ROBO2: variants seen among roughly 807,000 people sequenced by gnomAD.
The protein encoded by ROBO2 is roundabout homolog 2.
A neutral mutation model predicts 160.8 loss-of-function variants in ROBO2; 53 were observed. The ratio of observed to expected loss-of-function variants is 0.33; its 90% confidence interval spans 0.26 to 0.41. The LOEUF is 0.41. Among genes scored for constraint, ROBO2 ranks in the 10% least tolerant of loss-of-function variants. The probability of loss-of-function intolerance (pLI) is 1.00; values close to 1 mark genes in which losing one functional copy is unlikely to be tolerated. For missense variants in ROBO2, 1,577 were observed against 1,722.4 expected (o/e 0.92, Z 1.49); for synonymous variants, 664 against 611.7 (o/e 1.09, Z -1.26).
rs957229206 is a variant in ROBO2 at position 77,225,659 on chromosome 3, A to T, written c.388+127319A>T. On this transcript the variant is annotated intron_variant, in intron 2 of 25. Coordinates refer to ENST00000461745, the Ensembl canonical transcript of ROBO2. ...AATGATTTACTAAAGATTTAGAGGG[A>T]GGAAATACTATGTGCTTCTAAATCA... Among the ~76,000 whole-genome samples the T allele has an allele frequency of 4.6e-5, 7 of 151,992 alleles. No individual in the cohort carries two copies. In the East Asian group the frequency reaches 1.3e-3, roughly 29 times the overall value.
chr3:76,109,431 A>G (rs2070115195), intron 2 of ROBO2, among the ~76,000 whole-genome samples: 1 of 152,056 alleles, frequency 6.6e-6, no homozygotes, highest in Non-Finnish European at 1.5e-5. Flanking sequence ...ATAATACCAT[A>G]TGTGGCTTGT....
At chr3:76,985,691 G>A (rs1370431880) in intron 2 of ROBO2, among the ~76,000 whole-genome samples, 1 of 151,024 alleles carries the variant, frequency 6.6e-6, no homozygotes, top group East Asian at 1.9e-4. Flanking sequence ...GTTAGCAATG[G>A]CTAATGTTCT....
chr3:77,510,692 A>T (rs772234386), intron 5 of ROBO2, among the ~76,000 whole-genome samples: 13 of 152,208 alleles, frequency 8.5e-5, no homozygotes, highest in Non-Finnish European at 1.6e-4. Flanking sequence ...AGGAAGAAGA[A>T]ATTCTAAATA....
At chr3:76,317,205 G>C (rs1464339140) in intron 2 of ROBO2, among the ~76,000 whole-genome samples, 1 of 152,150 alleles carries the variant, frequency 6.6e-6, no homozygotes, top group Non-Finnish European at 1.5e-5. Flanking sequence ...ATAAATATTT[G>C]ATGAATGGAC....
intron 2 of ROBO2, among the ~76,000 whole-genome samples, chr3:77,366,923 TAATC>T (rs1313904397): frequency 6.8e-6 from 1 of 147,794 alleles, no homozygotes; most frequent in African/African-American, 2.5e-5. Flanking sequence ...CCCCTGGAAT[TAATC>T]TGTGCATGAA....
At chr3:77,416,517 G>T (rs2077234927) in intron 2 of ROBO2, among the ~76,000 whole-genome samples, 1 of 151,934 alleles carries the variant, frequency 6.6e-6, no homozygotes. Flanking sequence ...ATGAGTTTGA[G>T]AACAGCATGG....
Position 76,798,259 on chromosome 3 carries a change from GGAAAGAAAGAAA to G in ROBO2, c.110-299710_110-299699del, listed in dbSNP as rs71104619. Reference sequence around the variant, plus strand: ...AAAGAAAAAAAGAAGAAAGAAAGAAGGAAAGAAAGAAAGAAAGAAAGAAAGAAAGAAAGAAAG... The same window carrying G: ...AAAGAAAAAAAGAAGAAAGAAAGAAGGAAAGAAAGAAAGAAAGAAAGAAAG... On this transcript the variant is annotated intron_variant, in intron 2 of 26. Transcript: ENST00000487694. Among the ~76,000 whole-genome samples, 532 of 94,280 alleles carry G rather than the reference GGAAAGAAAGAAA, an allele frequency of 5.6e-3. 7 individuals are homozygous for G. Among genetic ancestry groups the G allele is most frequent in the African/African-American group, 0.013 (326 of 24,410 alleles). The allele number at this position is 94,280 out of a possible 152,430, so 61.9% of individuals were successfully genotyped here.
rs1306239414 is a variant in ROBO2 at position 77,277,168 on chromosome 3, CT to C, written c.388+178831del. Among the ~76,000 whole-genome samples, 886 of 93,378 alleles carry C rather than the reference CT, an allele frequency of 9.5e-3. 4 individuals carry two copies. Among genetic ancestry groups the C allele is most frequent in the South Asian group, 0.019 (48 of 2,560 alleles). The allele number at this position is 93,378 out of a possible 152,430, so 61.3% of individuals were successfully genotyped here. A position where few individuals can be genotyped will look rare whatever the true frequency, so the allele number is the denominator to read the frequency against. ...TCTTTCCTTCTTTCCTTCTTTCTTT[CT>C]TTCTTTCTTTCTTTCTTTCTTTCTT... On this transcript the variant is annotated intron_variant, in intron 2 of 25. Coordinates refer to ENST00000461745, the Ensembl canonical transcript of ROBO2.
chr3:77,555,019 A>G (rs1256095183), intron 8 of ROBO2, among the ~76,000 whole-genome samples: 1 of 151,950 alleles, frequency 6.6e-6, no homozygotes, highest in Non-Finnish European at 1.5e-5. Context: ...AGAAATTGGC[A>G]CAGCTACCCC....
intron 2 of ROBO2, among the ~76,000 whole-genome samples, chr3:76,528,302 A>C (rs2082048659): frequency 6.6e-6 from 1 of 152,114 alleles, no homozygotes; most frequent in Non-Finnish European, 1.5e-5. Context: ...CAGACAGGCA[A>C]GAGCTGGTGG....
chr3:76,998,685 G>A (rs752344008), intron 2 of ROBO2, among the ~76,000 whole-genome samples: 19 of 152,042 alleles, frequency 1.2e-4, no homozygotes, highest in Admixed American at 4.6e-4. Flanking sequence ...CCTTCACATC[G>A]TGATATTCTC....
chr3:76,838,471 A>C (rs1345754485), intron 2 of ROBO2, among the ~76,000 whole-genome samples: 1 of 152,104 alleles, frequency 6.6e-6, no homozygotes, highest in Admixed American at 6.5e-5. Context: ...AATTACAAAC[A>C]AGTCTCGCAT....
chr3:76,177,241 G>A, intron 2 of ROBO2, among the ~76,000 whole-genome samples: 1 of 152,076 alleles, frequency 6.6e-6, no homozygotes, highest in East Asian at 1.9e-4. Flanking sequence ...TTTTTGGAAG[G>A]AGATGGTATC....
intron 2 of ROBO2, among the ~76,000 whole-genome samples, chr3:76,521,349 C>A (rs1019876483): frequency 6.6e-6 from 1 of 151,902 alleles, no homozygotes; most frequent in Admixed American, 6.6e-5. Context: ...GCGCCTGGCC[C>A]AACAACAATT....
At chr3:75,999,267 A>G (rs1364939226) in intron 2 of ROBO2, among the ~76,000 whole-genome samples, 1 of 152,218 alleles carries the variant, frequency 6.6e-6, no homozygotes, top group African/African-American at 2.4e-5. Flanking sequence ...ACAATATTCT[A>G]TTCACAATAA....
chr3:76,716,552 T>C (rs557194246), intron 2 of ROBO2, among the ~76,000 whole-genome samples: 1 of 152,316 alleles, frequency 6.6e-6, no homozygotes, highest in East Asian at 1.9e-4. Flanking sequence ...TTGTTATATA[T>C]ATCAGAGAAC....
At chr3:76,664,377 T>C (rs991603679) in intron 2 of ROBO2, among the ~76,000 whole-genome samples, 2 of 152,066 alleles carry the variant, frequency 1.3e-5, no homozygotes, top group Non-Finnish European at 2.9e-5. Context: ...CCAGGAAGAA[T>C]CATGTGCCTA....
At chr3:77,460,094 ACT>A (rs1459513713) in intron 2 of ROBO2, among the ~76,000 whole-genome samples, 1 of 152,006 alleles carries the variant, frequency 6.6e-6, no homozygotes, top group Admixed American at 6.6e-5. Context: ...GCTGCTGTGT[ACT>A]CTGAGAGATG....
At chr3:76,012,553 G>A (rs1336800410) in intron 2 of ROBO2, among the ~76,000 whole-genome samples, 3 of 151,692 alleles carry the variant, frequency 2.0e-5, no homozygotes, top group Admixed American at 6.6e-5. Context: ...CTAATTTTTA[G>A]CATATTTGAT....
Sources: gnomAD v4.1 joint callset for allele counts (sites outside exome capture counted in the v4.1 genomes callset) on GRCh38, gnomAD v4.1.1 for gene constraint, MANE v1.5 for transcripts, NCBI Gene and HGNC (gene_info 2026-07-23, HGNC 2026-07-21) for gene names.